The following CNTN4 variants were observed in gnomAD, a reference collection of about 807,000 sequenced individuals.
CNTN4 encodes the protein contactin 4.
A neutral mutation model predicts 122.5 loss-of-function variants in CNTN4; 77 were observed. The ratio of observed to expected loss-of-function variants is 0.63; its 90% confidence interval spans 0.52 to 0.76. The LOEUF is 0.76. Ranked by LOEUF, CNTN4 falls within the 30% of genes least tolerant of loss-of-function variation. The pLI is 0.00. For missense variants in CNTN4, 1,256 were observed against 1,259.1 expected, an observed-to-expected ratio of 1.00 and a Z score of 0.04; for synonymous variants, 512 against 447.0, an observed-to-expected ratio of 1.15 and a Z score of -1.83.
At chr3:2,756,173 C>G (rs974946014) in intron 6 of CNTN4, among the ~76,000 whole-genome samples, 1 of 152,170 alleles carries the variant, frequency 6.6e-6, no homozygotes, top group African/African-American at 2.4e-5. Flanking sequence ...ATCTAATTGA[C>G]TAACTATAGT....
At chr3:2,413,538 A>C (rs2047304025) in intron 3 of CNTN4, among the ~76,000 whole-genome samples, 1 of 151,948 alleles carries the variant, frequency 6.6e-6, no homozygotes, top group African/African-American at 2.4e-5. Context: ...ATTTTTATAT[A>C]AACCATGATT....
intron 2 of CNTN4, among the ~76,000 whole-genome samples, chr3:2,269,981 C>T (rs536961394): frequency 0.022 from 910 of 41,094 alleles, 215 homozygotes; most frequent in African/African-American, 0.049. Flanking sequence ...CTCGCTCTGT[C>T]GCCCAGGCCG....
intron 3 of CNTN4, among the ~76,000 whole-genome samples, chr3:2,474,386 A>C (rs1156416728): frequency 2.0e-5 from 3 of 152,236 alleles, no homozygotes; most frequent in Non-Finnish European, 4.4e-5. Context: ...GTTTATTCAG[A>C]ATAAACAGGC....
chr3:2,135,028 C>A (rs977660118), intron 2 of CNTN4, among the ~76,000 whole-genome samples: 16 of 152,306 alleles, frequency 1.1e-4, no homozygotes, highest in Non-Finnish European at 2.2e-4. Context: ...CAGCCCCTTA[C>A]AACAAAGAGT....
chr3:2,301,531 C>G (rs1486897806), intron 2 of CNTN4, among the ~76,000 whole-genome samples: 1 of 152,116 alleles, frequency 6.6e-6, no homozygotes, highest in Admixed American at 6.6e-5. Context: ...TTTTTCATAC[C>G]AGAGGCCCTG....
chr3:2,965,920 T>G (rs1330065623), intron 13 of CNTN4, among the ~76,000 whole-genome samples: 3 of 152,228 alleles, frequency 2.0e-5, no homozygotes, highest in Non-Finnish European at 4.4e-5. Context: ...CCAGGACCTC[T>G]ACTATGTTTT....
intron 23 of CNTN4, among the ~76,000 whole-genome samples, chr3:3,046,684 G>A (rs1574925567): frequency 6.6e-6 from 1 of 152,238 alleles, no homozygotes; most frequent in South Asian, 2.1e-4. Flanking sequence ...ATGCCAAATT[G>A]TAAAGACCAT....
chr3:2,769,122 T>TA (rs2090979127), intron 6 of CNTN4, among the ~76,000 whole-genome samples: 1 of 152,152 alleles, frequency 6.6e-6, no homozygotes, highest in African/African-American at 2.4e-5. Context: ...TCCCAAAACT[T>TA]ACCTATACTG....
At chr3:2,524,657 C>A (rs1039794636) in intron 3 of CNTN4, among the ~76,000 whole-genome samples, 2 of 152,026 alleles carry the variant, frequency 1.3e-5, no homozygotes, top group African/African-American at 2.4e-5. Context: ...TTTTTTTAGT[C>A]TCTATAAAGT....
chr3:2,298,915 A>G (rs1340174319), intron 2 of CNTN4, among the ~76,000 whole-genome samples: 1 of 152,214 alleles, frequency 6.6e-6, no homozygotes, highest in Non-Finnish European at 1.5e-5. Context: ...GAGAATTTGT[A>G]TTGAAATGAT....
intron 6 of CNTN4, among the ~76,000 whole-genome samples, chr3:2,787,145 G>C (rs1284462925): frequency 3.3e-5 from 5 of 152,176 alleles, no homozygotes; most frequent in Non-Finnish European, 1.5e-5. Flanking sequence ...GGGAGGCCGA[G>C]GCGGGTGGAT....
At chr3:2,196,985 C>T (rs1297984040) in intron 2 of CNTN4, among the ~76,000 whole-genome samples, 9 of 144,430 alleles carry the variant, frequency 6.2e-5, no homozygotes, top group Admixed American at 5.1e-4. Context: ...GCAGAGGTTA[C>T]GGTGAGCCGA....
chr3:2,629,383 T>G (rs2082328955), intron 4 of CNTN4: 1 of 295,120 alleles, frequency 3.4e-6, no homozygotes, highest in Non-Finnish European at 6.8e-6. Context: ...CACGGCAGCC[T>G]GAGCAGACTA....
At chr3:2,325,911 T>C (rs1199477073) in intron 2 of CNTN4, among the ~76,000 whole-genome samples, 32 of 152,160 alleles carry the variant, frequency 2.1e-4, no homozygotes, top group Admixed American at 2.1e-3. Context: ...GTGATACTTA[T>C]CCTATAATAT....
At chr3:2,659,240 A>G (rs2150269035) in intron 4 of CNTN4, among the ~76,000 whole-genome samples, 1 of 152,142 alleles carries the variant, frequency 6.6e-6, no homozygotes, top group South Asian at 2.1e-4. Flanking sequence ...AGGCGAGCAG[A>G]TCACTTGAGG....
chr3:2,103,914 C>T (rs541551613), intron 2 of CNTN4, among the ~76,000 whole-genome samples: 1 of 152,084 alleles, frequency 6.6e-6, no homozygotes, highest in Non-Finnish European at 1.5e-5. Flanking sequence ...TTCCCAGTGG[C>T]TGCAGTGGAA....
At chr3:2,477,303 T>C (rs922178377) in intron 3 of CNTN4, among the ~76,000 whole-genome samples, 1 of 152,184 alleles carries the variant, frequency 6.6e-6, no homozygotes, top group Non-Finnish European at 1.5e-5. Context: ...TGTTAGATGC[T>C]GGAAGAGTTA....
intron 4 of CNTN4, among the ~76,000 whole-genome samples, chr3:2,599,654 A>G (rs754404368): frequency 4.6e-5 from 7 of 152,202 alleles, no homozygotes; most frequent in Non-Finnish European, 1.0e-4. Flanking sequence ...TGTAGCCTTT[A>G]TCAAACTTCT....
intron 2 of CNTN4, among the ~76,000 whole-genome samples, chr3:2,124,736 C>G (rs1383917448): frequency 6.6e-6 from 1 of 152,118 alleles, no homozygotes; most frequent in Non-Finnish European, 1.5e-5. Flanking sequence ...TCATGCTACT[C>G]TACTCCAGCC....
Sources: gnomAD v4.1 joint callset for allele counts (sites outside exome capture counted in the v4.1 genomes callset) on GRCh38, gnomAD v4.1.1 for gene constraint, MANE v1.5 for transcripts, NCBI Gene and HGNC (gene_info 2026-07-23, HGNC 2026-07-21) for gene names.